The following ASB17 variants were observed in gnomAD, a reference collection of about 807,000 sequenced individuals.
ASB17 encodes the protein ankyrin repeat and SOCS box containing 17.
ASB17 carries 26 observed loss-of-function variants against 25.7 expected under a neutral mutation model. The observed-to-expected ratio is 1.01, with a 90% CI of 0.74 to 1.40. ASB17 has a LOEUF of 1.40. ASB17 is among the 40% of genes most tolerant of loss of function. ASB17 has a pLI of 0.00. For synonymous variants in ASB17, 128 were observed against 121.4 expected (o/e 1.05, Z -0.36); for missense variants, 326 against 338.5 (o/e 0.96, Z 0.29).
At chr1:75,927,882 A>G (rs976963917) in intron 1 of ASB17, among the ~76,000 whole-genome samples, 2 of 152,190 alleles carry the variant, frequency 1.3e-5, no homozygotes, top group Admixed American at 6.5e-5. Context: ...ACTCTGGCCT[A>G]CAAAGTCCTT....
intron 2 of ASB17, among the ~76,000 whole-genome samples, chr1:75,920,984 C>G (rs1017867929): frequency 6.6e-6 from 1 of 152,064 alleles, no homozygotes; most frequent in Non-Finnish European, 1.5e-5. Flanking sequence ...CCTTGTTAGC[C>G]AGGATGGTCT....
chr1:75,919,048 G>T lies in ASB17; in HGVS notation c.792C>A (p.Ile264=). The T allele has an allele frequency of 6.2e-7, 1 of 1,612,136 alleles. No individual in the cohort carries two copies. Among genetic ancestry groups the T allele is most frequent in the African/African-American group, 1.3e-5 (1 of 74,972 alleles). ...TATTGTTGGTTAATAGTTGATTCCT[G>T]ATGGTTAGTCTGCAAAGATGTAATA... ...CELLHLCRLT[I]RNQLLTNNML... The change falls in exon 3 of 3, where the codon ATC becomes ATA. Residue 264 remains isoleucine (I), a synonymous_variant. Transcript: ENST00000284142.
intron 2 of ASB17, among the ~76,000 whole-genome samples, chr1:75,919,726 T>C (rs1266868531): frequency 2.0e-5 from 3 of 152,224 alleles, no homozygotes; most frequent in South Asian, 2.1e-4. Flanking sequence ...TCATCCTTTT[T>C]TATGGCTGCA....
intron 1 of ASB17, among the ~76,000 whole-genome samples, chr1:75,930,829 T>A (rs1341606395): frequency 6.6e-6 from 1 of 152,206 alleles, no homozygotes; most frequent in Non-Finnish European, 1.5e-5. Flanking sequence ...AGACAGGCAC[T>A]ATTTAGCCCA....
At chr1:75,922,868 C>T (rs1220172842) in intron 1 of ASB17, among the ~76,000 whole-genome samples, 4 of 152,114 alleles carry the variant, frequency 2.6e-5, no homozygotes, top group South Asian at 4.1e-4. Flanking sequence ...AAACTCCTAC[C>T]AAACACTTAA....
At chr1:75,925,317 C>A (rs1399879847) in intron 1 of ASB17, among the ~76,000 whole-genome samples, 1 of 151,946 alleles carries the variant, frequency 6.6e-6, no homozygotes, top group Admixed American at 6.6e-5. Flanking sequence ...ACTTAAGAAC[C>A]TTATAAGTAT....
intron 1 of ASB17, among the ~76,000 whole-genome samples, chr1:75,924,151 A>C (rs1276945718): frequency 6.6e-6 from 1 of 152,170 alleles, no homozygotes; most frequent in Non-Finnish European, 1.5e-5. Context: ...GATTCAAAAG[A>C]ATGTTTTAGG....
rs1350022975 is a variant in ASB17, at chr1:75,918,993, T to G, written c.847A>C (p.Ile283Leu). The G allele has an allele frequency of 3.7e-6, 6 of 1,612,916 alleles. No homozygotes were observed. The highest frequency in any genetic ancestry group is 5.1e-6 in the Non-Finnish European group (6 of 1,179,240). ...MLPDGIFSLL[I>L]PARLQNYLNL... Reference sequence around the variant, plus strand: ...AGATAGTTTTGTAGACGAGCAGGAATTAGAAGTGAAAATATTCCATCTGGG... The same window carrying G: ...AGATAGTTTTGTAGACGAGCAGGAAGTAGAAGTGAAAATATTCCATCTGGG... The change falls in exon 3 of 3, where the codon ATT becomes CTT. Residue 283 changes from isoleucine to leucine, a missense_variant. Coordinates refer to ENST00000284142, the MANE Select transcript of ASB17 (RefSeq NM_080868.3).
chr1:75,923,822 ATC>A (rs1653094707), intron 1 of ASB17, among the ~76,000 whole-genome samples: 1 of 152,202 alleles, frequency 6.6e-6, no homozygotes, highest in Admixed American at 6.5e-5. Context: ...GCCTCTTTAC[ATC>A]TGTTTCCACA....
intron 1 of ASB17, among the ~76,000 whole-genome samples, chr1:75,926,206 G>A (rs1653168485): frequency 6.6e-6 from 1 of 152,138 alleles, no homozygotes; most frequent in African/African-American, 2.4e-5. Flanking sequence ...TATAGTGAAC[G>A]ATTAACAACA....
At chr1:75,927,412 A>AAG (rs1371591370) in intron 1 of ASB17, among the ~76,000 whole-genome samples, 3 of 152,080 alleles carry the variant, frequency 2.0e-5, no homozygotes, top group Non-Finnish European at 4.4e-5. Flanking sequence ...CTGATCACTT[A>AAG]CCGTGTCTTG....
intron 2 of ASB17, among the ~76,000 whole-genome samples, chr1:75,921,728 C>T (rs1653032974): frequency 6.6e-6 from 1 of 152,022 alleles, no homozygotes; most frequent in African/African-American, 2.4e-5. Context: ...AAATGTAACC[C>T]TTATTTTGAA....
chr1:75,919,252 T>A, intron 2 of ASB17, 94 bp from the exon 3 acceptor site: 1 of 881,878 alleles, frequency 1.1e-6, no homozygotes, highest in Non-Finnish European at 1.7e-6. Flanking sequence ...ATTTAGAAAA[T>A]AGACCATAAA....
intron 2 of ASB17, 124 bp downstream of exon 2, chr1:75,921,956 A>G: frequency 1.3e-6 from 1 of 797,604 alleles, no homozygotes; most frequent in South Asian, 2.0e-5. Flanking sequence ...TAATAGGCAT[A>G]TACTCAATGA....
chr1:75,921,176 A>G (rs187966352), intron 2 of ASB17, among the ~76,000 whole-genome samples: 39 of 150,958 alleles, frequency 2.6e-4, no homozygotes, highest in African/African-American at 7.8e-4. Context: ...TTAATACTGG[A>G]CCAAGGACAA....
chr1:75,923,754 G>A (rs1160319415), intron 1 of ASB17, among the ~76,000 whole-genome samples: 1 of 152,148 alleles, frequency 6.6e-6, no homozygotes, highest in Non-Finnish European at 1.5e-5. Context: ...ATAGAGACAA[G>A]TGTTCTAGGT....
chr1:75,928,499 T>C (rs772506638), intron 1 of ASB17, among the ~76,000 whole-genome samples: 3 of 152,202 alleles, frequency 2.0e-5, no homozygotes, highest in Non-Finnish European at 4.4e-5. Context: ...TCCAGGGAGA[T>C]ATAATAGGGA....
intron 1 of ASB17, among the ~76,000 whole-genome samples, chr1:75,930,139 C>A (rs890570669): frequency 1.3e-5 from 2 of 149,730 alleles, no homozygotes; most frequent in South Asian, 2.1e-4. Flanking sequence ...TATTTAAAGT[C>A]ATATGACTAT....
chr1:75,921,740 T>C (rs992043505), intron 2 of ASB17, among the ~76,000 whole-genome samples: 12 of 152,174 alleles, frequency 7.9e-5, no homozygotes, highest in African/African-American at 2.9e-4. Context: ...TATTTTGAAA[T>C]ATTCTGTTGG....
Sources: allele counts gnomAD v4.1 joint callset (sites outside exome capture counted in the v4.1 genomes callset), GRCh38; gene constraint gnomAD v4.1.1; transcripts MANE v1.5; gene names NCBI Gene and HGNC (gene_info 2026-07-23, HGNC 2026-07-21).